KIAA0825: variants seen among roughly 807,000 people sequenced by gnomAD.
KIAA0825 encodes KIAA0825.
In KIAA0825, 119 loss-of-function variants were observed where a neutral mutation model predicts 147.6. That is an observed-to-expected ratio of 0.81 (90% CI 0.69 to 0.94). The LOEUF is 0.94. Ranked by LOEUF, KIAA0825 falls within the 40% of genes least tolerant of loss-of-function variation. KIAA0825 has a pLI of 0.00. For missense variants in KIAA0825, 1,381 were observed against 1,472.7 expected, an observed-to-expected ratio of 0.94 and a Z score of 1.02; for synonymous variants, 470 against 518.1, an observed-to-expected ratio of 0.91 and a Z score of 1.26.
intron 20 of KIAA0825, among the ~76,000 whole-genome samples, chr5:94,194,377 TC>T (rs1255511281): frequency 2.0e-5 from 3 of 152,078 alleles, no homozygotes; most frequent in Non-Finnish European, 4.4e-5. Flanking sequence ...GTATGCTTTC[TC>T]CCCTCTCTCT....
intron 1 of KIAA0825, among the ~76,000 whole-genome samples, chr5:94,614,339 C>T (rs763699690): frequency 6.6e-6 from 1 of 152,136 alleles, no homozygotes; most frequent in East Asian, 1.9e-4. Flanking sequence ...TATTTGTACA[C>T]TCTAATGTTT....
intron 20 of KIAA0825, among the ~76,000 whole-genome samples, chr5:94,300,271 G>T (rs1778332694): frequency 6.6e-6 from 1 of 151,972 alleles, no homozygotes. Flanking sequence ...AATTATGCTA[G>T]AATGATAACA....
rs1180386329 is a variant in KIAA0825, at chr5:94,239,612, G to T, written c.3711-85488C>A. ...TACACGTTTGCCAATGGAAATTTCT[G>T]CTCTAGAAATTATACCATGGCAAAG... On this transcript the variant is annotated intron_variant, in intron 20 of 20. Transcript: ENST00000682413. 4.6e-5 allele frequency among the ~76,000 whole-genome samples: 7 copies of T among 152,096 alleles called. No homozygotes were observed. In the East Asian group the frequency reaches 1.3e-3, roughly 29 times the overall value.
intron 20 of KIAA0825, among the ~76,000 whole-genome samples, chr5:94,333,483 A>C (rs1781487216): frequency 6.6e-6 from 1 of 152,134 alleles, no homozygotes; most frequent in Admixed American, 6.5e-5. Context: ...TTAAATAGGG[A>C]ATCCTTAACC....
chr5:94,491,556 C>CA (rs879574811), intron 5 of KIAA0825, among the ~76,000 whole-genome samples: 14 of 152,108 alleles, frequency 9.2e-5, no homozygotes, highest in Admixed American at 3.3e-4. Context: ...TTGTAAAGGG[C>CA]CTTCTGTGTC....
Position 94,391,668 on chromosome 5 carries a change from G to A in KIAA0825, c.3323C>T (p.Thr1108Met), listed in dbSNP as rs377748930. 2.8e-5 allele frequency: 43 copies of A among 1,548,338 alleles called. No homozygotes were observed. The highest frequency in any genetic ancestry group is 9.8e-5 in the East Asian group (4 of 40,858). ...ECAFMTIEKS[T>M]ALQEGDVALE... Reference sequence around the variant, plus strand: ...AGCAACATCTCCTTCTTGTAAGGCCGTGCTTTTCTCTATTGTCATAAATGC... The same window carrying A: ...AGCAACATCTCCTTCTTGTAAGGCCATGCTTTTCTCTATTGTCATAAATGC... Residue 1108 changes from threonine to methionine, a missense_variant, in exon 18 of 21, where the codon ACG becomes ATG. Transcript: ENST00000682413.
intron 20 of KIAA0825, among the ~76,000 whole-genome samples, chr5:94,257,256 A>G (rs1776293170): frequency 6.6e-6 from 1 of 152,084 alleles, no homozygotes; most frequent in South Asian, 2.1e-4. Flanking sequence ...TTCTAGGTTT[A>G]TGATTTCTTC....
At chr5:94,516,792 A>G (rs1767332062) in intron 5 of KIAA0825, among the ~76,000 whole-genome samples, 1 of 147,698 alleles carries the variant, frequency 6.8e-6, no homozygotes, top group Non-Finnish European at 1.5e-5. Context: ...TCCGTCTCAA[A>G]AAAAAAAAAA....
At chr5:94,355,219 T>G (rs1234234593) in intron 20 of KIAA0825, among the ~76,000 whole-genome samples, 2 of 152,212 alleles carry the variant, frequency 1.3e-5, no homozygotes, top group African/African-American at 4.8e-5. Flanking sequence ...TGTTTCCTAT[T>G]CAGACCTTTA....
Position 94,565,095 on chromosome 5 carries a change from CTTTTTT to C in KIAA0825, c.-2+17332_-2+17337del, listed in dbSNP as rs1176429699. Among the ~76,000 whole-genome samples, 23 of 52,936 alleles carry C rather than the reference CTTTTTT, an allele frequency of 4.3e-4. 1 individual carries two copies. Among genetic ancestry groups the C allele is most frequent in the Admixed American group, 3.6e-3 (17 of 4,744 alleles). 34.7% of individuals were successfully genotyped at this position (52,936 alleles called of 152,430 possible). A position where few individuals can be genotyped will look rare whatever the true frequency, so the allele number is the denominator to read the frequency against. ...CTCTTTCTCTCTCTTTCTTGCTTTC[CTTTTTT>C]TTTTTTTTTTTTGGTAGAGATGAGG... is the stretch of plus-strand genomic sequence containing the variant. On this transcript the variant is annotated intron_variant, in intron 2 of 20. Transcript: ENST00000682413.
At chr5:94,229,735 T>C (rs2150082474) in intron 20 of KIAA0825, among the ~76,000 whole-genome samples, 1 of 151,482 alleles carries the variant, frequency 6.6e-6, no homozygotes, top group African/African-American at 2.4e-5. Flanking sequence ...TGTTTTCTTA[T>C]AGGTCATTTT....
At chr5:94,239,133 T>G (rs1186095185) in intron 20 of KIAA0825, among the ~76,000 whole-genome samples, 2 of 152,216 alleles carry the variant, frequency 1.3e-5, no homozygotes, top group Non-Finnish European at 2.9e-5. Flanking sequence ...GAAAAATGAA[T>G]GGAATGCCTG....
At chr5:94,433,102 C>T (rs1755903323) in intron 14 of KIAA0825, among the ~76,000 whole-genome samples, 1 of 152,258 alleles carries the variant, frequency 6.6e-6, no homozygotes, top group Non-Finnish European at 1.5e-5. Context: ...GGCGCAATCT[C>T]GGTTCACTGC....
At chr5:94,542,520 T>C (rs1334560741) in intron 2 of KIAA0825, among the ~76,000 whole-genome samples, 1 of 152,164 alleles carries the variant, frequency 6.6e-6, no homozygotes, top group Non-Finnish European at 1.5e-5. Context: ...TAAGAATCTG[T>C]TTTCGGCCGG....
At chr5:94,420,191 G>A (rs774687238) in intron 14 of KIAA0825, among the ~76,000 whole-genome samples, 10 of 152,048 alleles carry the variant, frequency 6.6e-5, no homozygotes, top group Admixed American at 1.3e-4. Context: ...ATGAAGCGAG[G>A]CAATCAACAG....
chr5:94,411,050 G>A (rs564978968), intron 15 of KIAA0825, among the ~76,000 whole-genome samples: 103 of 152,030 alleles, frequency 6.8e-4, no homozygotes, highest in Non-Finnish European at 1.2e-3. Flanking sequence ...GAAATAAAAT[G>A]TATGACAACA....
chr5:94,357,098 C>T (rs899632614), intron 20 of KIAA0825, among the ~76,000 whole-genome samples: 5 of 152,064 alleles, frequency 3.3e-5, no homozygotes, highest in African/African-American at 1.2e-4. Flanking sequence ...AAGAGAAAGA[C>T]AAAGAACCAC....
At chr5:94,276,586 A>G in intron 20 of KIAA0825, among the ~76,000 whole-genome samples, 1 of 152,138 alleles carries the variant, frequency 6.6e-6, no homozygotes, top group Non-Finnish European at 1.5e-5. Context: ...GACATTATTA[A>G]TTGGTGAGAC....
rs1183643544 is a variant in KIAA0825, at chr5:94,153,568, A to T, written c.*439T>A. The T allele has an allele frequency of 6.6e-6, 1 of 152,574 alleles. No homozygotes were observed. Among genetic ancestry groups the T allele is most frequent in the African/African-American group, 2.4e-5 (1 of 41,432 alleles). The allele number at this position is 152,574 out of a possible 1,614,324, so 9.5% of individuals were successfully genotyped here. ...GATAGTAAAGGCAATTAAAATTGGG[A>T]CTTGGGCTACAGCTACAACAAAATT... On this transcript the variant is annotated 3_prime_UTR_variant, in exon 21 of 21. Coordinates refer to ENST00000682413, the MANE Select transcript of KIAA0825 (RefSeq NM_001145678.3).
Sources: gnomAD v4.1 joint callset for allele counts (sites outside exome capture counted in the v4.1 genomes callset) on GRCh38, gnomAD v4.1.1 for gene constraint, MANE v1.5 for transcripts, NCBI Gene and HGNC (gene_info 2026-07-23, HGNC 2026-07-21) for gene names.